Variants in CUL1 observed in about 807,000 individuals in gnomAD.
CUL1 encodes cullin-1.
CUL1 carries 24 observed loss-of-function variants against 118.0 expected under a neutral mutation model. The ratio of observed to expected loss-of-function variants is 0.20; its 90% CI spans 0.15 to 0.29. CUL1 has a LOEUF of 0.29. Among genes scored for constraint, CUL1 ranks in the 10% least tolerant of loss-of-function variants. The pLI is 1.00. For synonymous variants in CUL1, 332 were observed against 340.4 expected (o/e 0.98, Z 0.27); for missense variants, 361 against 933.8 (o/e 0.39, Z 7.99).
intron 7 of CUL1, among the ~76,000 whole-genome samples, chr7:148,764,615 CAAGA>C (rs1799945471): frequency 6.6e-6 from 1 of 152,172 alleles, no homozygotes; most frequent in Admixed American, 6.5e-5. Context: ...TATGTTCTTC[CAAGA>C]AAGAGTTATA....
At chr7:148,712,645 T>A (rs1476416915) in intron 1 of CUL1, among the ~76,000 whole-genome samples, 1 of 152,250 alleles carries the variant, frequency 6.6e-6, no homozygotes, top group African/African-American at 2.4e-5. Context: ...GCTTACCGTG[T>A]GTCAAGGACT....
At position 148,738,488 on chromosome 7, in the gene CUL1, A is replaced by G. The variant is rs543044580; in HGVS notation, c.140+8226A>G. Among the ~76,000 whole-genome samples, 5 of 152,324 alleles carry G rather than the reference A, an allele frequency of 3.3e-5. No homozygotes were observed. The East Asian group carries it at 9.6e-4, about 29-fold the overall frequency. ...GCTGAACCAGGCTTGGCTCTTGGAC[A>G]TAAACCCCTGTACCACCTTACACCA... On this transcript the variant is annotated intron_variant, in intron 2 of 21. Coordinates refer to ENST00000325222, the MANE Select transcript of CUL1 (RefSeq NM_003592.3).
At chr7:148,771,548 C>G (rs952912154) in intron 9 of CUL1, among the ~76,000 whole-genome samples, 1 of 152,102 alleles carries the variant, frequency 6.6e-6, no homozygotes, top group Non-Finnish European at 1.5e-5. Flanking sequence ...GGGGACTGTC[C>G]GTCAGGATTC....
At chr7:148,780,728 G>A (rs1036657270) in intron 9 of CUL1, among the ~76,000 whole-genome samples, 1 of 152,252 alleles carries the variant, frequency 6.6e-6, no homozygotes, top group African/African-American at 2.4e-5. Context: ...CAAGCCCTGG[G>A]AGATGTCCTG....
At chr7:148,775,793 A>G (rs1942572602) in intron 9 of CUL1, among the ~76,000 whole-genome samples, 1 of 152,110 alleles carries the variant, frequency 6.6e-6, no homozygotes, top group Non-Finnish European at 1.5e-5. Flanking sequence ...AAACTTTTAA[A>G]GAATACATTT....
At position 148,704,165 on chromosome 7, in the gene CUL1, C is replaced by CA. The variant is rs540196275; in HGVS notation, c.-162+5137dup. Reference sequence around the variant, plus strand: ...ACCACCAACAAAAGCGGCCCCCCCCCACCCCCGTGGAAAAAAATGGGCAAA... The same window carrying CA: ...ACCACCAACAAAAGCGGCCCCCCCCCAACCCCCGTGGAAAAAAATGGGCAAA... On this transcript the variant is annotated intron_variant, in intron 1 of 21. Transcript: ENST00000325222. Among the ~76,000 whole-genome samples, 41 of 141,516 alleles carry CA rather than the reference C, an allele frequency of 2.9e-4. No individual in the cohort carries two copies. The South Asian group carries it at 4.0e-3, about 14-fold the overall frequency. The allele number at this position is 141,516 out of a possible 152,430, so 92.8% of individuals were successfully genotyped here. A position where few individuals can be genotyped will look rare whatever the true frequency, so the allele number is the denominator to read the frequency against.
chr7:148,788,827 TC>T (rs1234325343), intron 14 of CUL1, among the ~76,000 whole-genome samples, 153 bp downstream of exon 14: 1 of 152,088 alleles, frequency 6.6e-6, no homozygotes, highest in Non-Finnish European at 1.5e-5. Context: ...CCAGCCCTCC[TC>T]CCCCGACTCC....
At chr7:148,745,761 TGAA>T (rs750269458) in intron 2 of CUL1, among the ~76,000 whole-genome samples, 22 of 151,806 alleles carry the variant, frequency 1.4e-4, no homozygotes, top group Non-Finnish European at 2.5e-4. Context: ...CAGCTAAAAA[TGAA>T]GAACTAACTC....
chr7:148,748,263 G>GT (rs1248981874), intron 2 of CUL1, among the ~76,000 whole-genome samples: 1 of 152,044 alleles, frequency 6.6e-6, no homozygotes, highest in Non-Finnish European at 1.5e-5. Flanking sequence ...ACTAGACTCA[G>GT]TTTTTTTAAA....
At position 148,755,662 on chromosome 7, in the gene CUL1, A is replaced by T. The variant is rs114392749; in HGVS notation, c.316-1321A>T. On this transcript the variant is annotated intron_variant, in intron 3 of 21. Transcript: ENST00000325222. ...TAAGAAACAGTATATTGTGCTAAGTAAAAAGGTTGATGACCATGCCATCAG... is the reference window on the plus strand; with the variant it reads ...TAAGAAACAGTATATTGTGCTAAGTTAAAAGGTTGATGACCATGCCATCAG... 8.9e-3 allele frequency among the ~76,000 whole-genome samples: 1,354 copies of T among 152,356 alleles called. 16 individuals are homozygous for T. The highest frequency in any genetic ancestry group is 0.031 in the African/African-American group (1,286 of 41,582).
intron 7 of CUL1, among the ~76,000 whole-genome samples, chr7:148,762,681 C>G (rs544040508): frequency 1.3e-5 from 2 of 152,260 alleles, no homozygotes; most frequent in South Asian, 4.1e-4. Flanking sequence ...ACCTCTTATC[C>G]AGATGCACAT....
At chr7:148,747,001 A>C (rs2129460118) in intron 2 of CUL1, among the ~76,000 whole-genome samples, 1 of 152,320 alleles carries the variant, frequency 6.6e-6, no homozygotes, top group East Asian at 1.9e-4. Flanking sequence ...ATGCTGTGAT[A>C]GTTTGCTAGC....
intron 9 of CUL1, chr7:148,783,434 T>A (rs1158857118): frequency 1.0e-6 from 1 of 985,222 alleles, no homozygotes; most frequent in Non-Finnish European, 1.2e-6. Context: ...TGAAACAGAG[T>A]CCAGAGTTCC....
chr7:148,747,917 A>C (rs1226254506), intron 2 of CUL1, among the ~76,000 whole-genome samples: 1 of 152,244 alleles, frequency 6.6e-6, no homozygotes, highest in Non-Finnish European at 1.5e-5. Flanking sequence ...GGTAACATGA[A>C]AATATCTCAC....
In CUL1 at chr7:148,798,411, G is replaced by A. The variant is rs1801279865; in HGVS notation, c.2031-161G>A. Among the ~76,000 whole-genome samples the A allele has an allele frequency of 2.0e-5, 3 of 152,112 alleles. No individual in the cohort carries two copies. The South Asian group carries it at 6.2e-4, about 32-fold the overall frequency. ...CTAGGCCATGATCGGACTCTACCCA[G>A]TGCTGGGTAGAGGACATTTTCACGG... On this transcript the variant is annotated intron_variant, in intron 19 of 21. Coordinates refer to ENST00000325222, the MANE Select transcript of CUL1 (RefSeq NM_003592.3).
intron 1 of CUL1, among the ~76,000 whole-genome samples, chr7:148,717,892 A>G (rs1475940307): frequency 1.3e-5 from 2 of 152,216 alleles, no homozygotes; most frequent in Admixed American, 6.5e-5. Flanking sequence ...TATGTTTAAT[A>G]TGGCAGCAAA....
intron 1 of CUL1, among the ~76,000 whole-genome samples, chr7:148,710,446 G>A (rs1268118533): frequency 6.6e-6 from 1 of 152,104 alleles, no homozygotes; most frequent in Non-Finnish European, 1.5e-5. Flanking sequence ...GTGCATGCCT[G>A]TAATCCCAGC....
chr7:148,773,631 G>A (rs1018386155), intron 9 of CUL1, among the ~76,000 whole-genome samples: 1 of 152,118 alleles, frequency 6.6e-6, no homozygotes, highest in Non-Finnish European at 1.5e-5. Context: ...CTGCCGTCTC[G>A]GCTGCACGAC....
chr7:148,789,877 C>G (rs898114293), intron 15 of CUL1, 51 bp downstream of exon 15: 62 of 1,530,802 alleles, frequency 4.1e-5, no homozygotes, highest in Non-Finnish European at 5.4e-5. Flanking sequence ...GAGGGTGGGG[C>G]AGGGCAGCCT....
Sources: gnomAD v4.1 joint callset for allele counts (sites outside exome capture counted in the v4.1 genomes callset) on GRCh38, gnomAD v4.1.1 for gene constraint, MANE v1.5 for transcripts, NCBI Gene and HGNC (gene_info 2026-07-23, HGNC 2026-07-21) for gene names.